CDH18: variants seen among roughly 807,000 people sequenced by gnomAD.
CDH18 encodes the protein cadherin-18.
CDH18 carries 31 observed loss-of-function variants against 67.9 expected under a neutral mutation model. That is an observed-to-expected ratio of 0.46 (90% CI 0.34 to 0.62). CDH18 has a LOEUF of 0.62. CDH18 is among the 20% of genes least tolerant of loss of function. The probability of loss-of-function intolerance (pLI) is 0.01; values close to 1 mark genes in which losing one functional copy is unlikely to be tolerated. For missense variants in CDH18, 890 were observed against 975.5 expected, an observed-to-expected ratio of 0.91 and a Z score of 1.17; for synonymous variants, 362 against 347.2, an observed-to-expected ratio of 1.04 and a Z score of -0.48.
chr5:19,494,461 A>G (rs1156458361), intron 11 of CDH18, among the ~76,000 whole-genome samples: 4 of 152,220 alleles, frequency 2.6e-5, no homozygotes, highest in Non-Finnish European at 5.9e-5. Context: ...AGCTGTTTCT[A>G]GAGTCTAACT....
intron 2 of CDH18, among the ~76,000 whole-genome samples, chr5:20,110,971 G>T (rs547275741): frequency 1.3e-5 from 2 of 152,124 alleles, no homozygotes; most frequent in Middle Eastern, 3.4e-3. Flanking sequence ...ATGTCTCATA[G>T]TAAAGGATAA....
intron 1 of CDH18, among the ~76,000 whole-genome samples, chr5:20,258,086 C>T (rs10071806): frequency 0.53 from 80,000 of 151,800 alleles, 22,007 homozygotes; most frequent in East Asian, 0.69. Context: ...AACTAAAGTC[C>T]CTACAGGTTG....
At chr5:20,343,842 G>A (rs1277365684) in intron 1 of CDH18, among the ~76,000 whole-genome samples, 3 of 152,010 alleles carry the variant, frequency 2.0e-5, no homozygotes, top group Non-Finnish European at 4.4e-5. Context: ...TGACAAACGA[G>A]TATCCTCACT....
rs141643604 is a variant in CDH18 at position 20,036,361 on chromosome 5, C to G, written c.-517-44347G>C. Reference sequence around the variant, plus strand: ...AATGTAGGTAAATTGCTTAGCATGTCAGATAATACATCCTAAATAAATTTA... The same window carrying G: ...AATGTAGGTAAATTGCTTAGCATGTGAGATAATACATCCTAAATAAATTTA... On this transcript the variant is annotated intron_variant, in intron 2 of 14. Coordinates refer to the CDH18 transcript ENST00000507958. Among the ~76,000 whole-genome samples, 272 of 151,656 alleles carry G rather than the reference C, an allele frequency of 1.8e-3. 1 individual carries two copies. The highest frequency in any genetic ancestry group is 6.3e-3 in the African/African-American group (262 of 41,332).
At chr5:20,203,595 G>GAGAGAGAGAT (rs1194482773) in intron 2 of CDH18, among the ~76,000 whole-genome samples, 1 of 150,780 alleles carries the variant, frequency 6.6e-6, no homozygotes, top group African/African-American at 2.4e-5. Flanking sequence ...GAGAGAGAGA[G>GAGAGAGAGAT]AGAGAAATTC....
chr5:20,287,921 T>C (rs1402171680), intron 1 of CDH18, among the ~76,000 whole-genome samples: 1 of 151,832 alleles, frequency 6.6e-6, no homozygotes, highest in African/African-American at 2.4e-5. Flanking sequence ...CTCAAATTTA[T>C]CCTTGTTCAA....
intron 2 of CDH18, among the ~76,000 whole-genome samples, chr5:19,960,276 TTC>T (rs1375713266): frequency 2.6e-5 from 4 of 152,000 alleles, no homozygotes; most frequent in Non-Finnish European, 5.9e-5. Flanking sequence ...ATAAAATATT[TTC>T]TTTCTTTATC....
intron 2 of CDH18, among the ~76,000 whole-genome samples, chr5:19,994,726 TATATATATATATAGAGAGAGAGAG>T (rs1423876964): frequency 1.2e-3 from 28 of 23,436 alleles, no homozygotes; most frequent in South Asian, 8.7e-3. Flanking sequence ...TATATATATA[TATATATATATATAGAGAGAGAGAG>T]AGAGAGAGAG....
At chr5:19,904,570 T>C (rs1258064839) in intron 2 of CDH18, among the ~76,000 whole-genome samples, 1 of 152,170 alleles carries the variant, frequency 6.6e-6, no homozygotes, top group African/African-American at 2.4e-5. Context: ...ACGTAAGTTC[T>C]TGGGTAAAGT....
chr5:20,452,269 C>T (rs894929052), intron 1 of CDH18, among the ~76,000 whole-genome samples: 5 of 151,974 alleles, frequency 3.3e-5, no homozygotes, highest in African/African-American at 9.7e-5. Flanking sequence ...ACAAATTGTA[C>T]TATGTGTTTT....
intron 2 of CDH18, among the ~76,000 whole-genome samples, chr5:20,010,232 CCTT>C (rs1360210453): frequency 2.7e-5 from 4 of 150,916 alleles, no homozygotes; most frequent in Admixed American, 6.6e-5. Context: ...TTACATCACT[CCTT>C]CTTTTTAATT....
At chr5:19,923,180 A>T (rs539246463) in intron 2 of CDH18, among the ~76,000 whole-genome samples, 1 of 152,166 alleles carries the variant, frequency 6.6e-6, no homozygotes, top group South Asian at 2.1e-4. Flanking sequence ...TGACAGGCAC[A>T]TCTAAGCCCA....
chr5:20,054,443 A>C (rs993160552), intron 2 of CDH18, among the ~76,000 whole-genome samples: 2 of 152,182 alleles, frequency 1.3e-5, no homozygotes, highest in Admixed American at 6.5e-5. Context: ...ATGTTTAAGC[A>C]GGTCTCAGAA....
rs752625403 is a variant in CDH18 at position 19,559,935 on chromosome 5, A to C, written c.1253+11644T>G. Among the ~76,000 whole-genome samples the C allele has an allele frequency of 3.0e-4, 45 of 151,394 alleles. 2 individuals carry two copies. Among genetic ancestry groups the C allele is most frequent in the Admixed American group, 1.3e-3 (19 of 15,188 alleles). On this transcript the variant is annotated intron_variant, in intron 8 of 12. Coordinates refer to ENST00000382275, the MANE Select transcript of CDH18 (RefSeq NM_004934.5). The stretch of plus-strand genomic sequence containing the variant: ...AGTTGCAAAAACAAACAAAAAAAAA[A>C]CTCAGGAATATATTTAACCAAGAAG...
At chr5:20,340,059 G>T (rs528054255) in intron 1 of CDH18, among the ~76,000 whole-genome samples, 6 of 152,138 alleles carry the variant, frequency 3.9e-5, no homozygotes, top group South Asian at 2.1e-4. Context: ...GTGTATATTA[G>T]AGGGCTCACA....
chr5:20,010,149 A>C (rs1350907132), intron 2 of CDH18, among the ~76,000 whole-genome samples: 1 of 140,730 alleles, frequency 7.1e-6, no homozygotes, highest in Non-Finnish European at 1.5e-5. Context: ...CACACAACCT[A>C]GTGGAAAGTG....
chr5:19,916,494 C>T (rs1057032605), intron 2 of CDH18, among the ~76,000 whole-genome samples: 8 of 152,130 alleles, frequency 5.3e-5, no homozygotes, highest in Non-Finnish European at 1.2e-4. Context: ...CCTCCTCTTC[C>T]TTCTCCACAC....
intron 2 of CDH18, among the ~76,000 whole-genome samples, chr5:20,156,449 C>T (rs1252180119): frequency 6.6e-6 from 1 of 152,018 alleles, no homozygotes; most frequent in Non-Finnish European, 1.5e-5. Flanking sequence ...GCAGCTGGAG[C>T]CCATTATCCT....
chr5:19,890,597 A>ATT (rs147714365), intron 2 of CDH18, among the ~76,000 whole-genome samples: 7,282 of 132,672 alleles, frequency 0.055, 594 homozygotes, highest in African/African-American at 0.17. Context: ...CCAGAACACC[A>ATT]TTTTTTTTTT....
Sources: gnomAD v4.1 joint callset for allele counts (sites outside exome capture counted in the v4.1 genomes callset) on GRCh38, gnomAD v4.1.1 for gene constraint, MANE v1.5 for transcripts, NCBI Gene and HGNC (gene_info 2026-07-23, HGNC 2026-07-21) for gene names.